PTPRD: variants seen among roughly 807,000 people sequenced by gnomAD.
PTPRD encodes receptor-type tyrosine-protein phosphatase delta.
In PTPRD, 34 loss-of-function variants were observed where a neutral mutation model predicts 214.5. The observed-to-expected ratio is 0.16, with a 90% CI of 0.12 to 0.21. PTPRD has a LOEUF of 0.21. Ranked by LOEUF, PTPRD falls within the 10% of genes least tolerant of loss-of-function variation. PTPRD has a pLI of 1.00. For missense variants in PTPRD, 2,545 were observed against 2,398.7 expected (o/e 1.06, Z -1.27); for synonymous variants, 1,128 against 845.7 (o/e 1.33, Z -5.79).
In PTPRD at chr9:8,452,135, C is replaced by T. The variant is rs1291488285; in HGVS notation, c.3876-2298G>A. 3.3e-5 allele frequency among the ~76,000 whole-genome samples: 5 copies of T among 152,220 alleles called. No homozygotes were observed. In the East Asian group the frequency reaches 9.6e-4, roughly 29 times the overall value. ...GGAGGGATGTAGTGACATTTAATAA[C>T]TAACTTCTCTTTCACTGTTTATTCA... On this transcript the variant is annotated intron_variant, in intron 33 of 45. Transcript: ENST00000381196.
chr9:8,600,954 G>T (rs1033985640), intron 14 of PTPRD, among the ~76,000 whole-genome samples: 4 of 152,032 alleles, frequency 2.6e-5, no homozygotes, highest in African/African-American at 9.7e-5. Flanking sequence ...AAAGCACCAG[G>T]CAGGCTCTCC....
chr9:9,164,977 A>G (rs905371788), intron 10 of PTPRD, among the ~76,000 whole-genome samples: 5 of 151,772 alleles, frequency 3.3e-5, no homozygotes, highest in Non-Finnish European at 7.4e-5. Context: ...CGCTTAACCC[A>G]AGAGGCAGAG....
intron 4 of PTPRD, among the ~76,000 whole-genome samples, chr9:9,965,342 T>G (rs1206924782): frequency 6.6e-6 from 1 of 152,068 alleles, no homozygotes; most frequent in Non-Finnish European, 1.5e-5. Context: ...TGGGTGTTAA[T>G]GAGAGGAGAA....
At position 9,295,521 on chromosome 9, in the gene PTPRD, A is replaced by G. The variant is rs568030643; in HGVS notation, c.-203+101928T>C. Among the ~76,000 whole-genome samples, 33 of 151,794 alleles carry G rather than the reference A, an allele frequency of 2.2e-4. 1 individual carries two copies. Among genetic ancestry groups the G allele is most frequent in the Admixed American group, 2.0e-3 (30 of 15,180 alleles). ...AAAGTACATGAACAACCAAATAACT[A>G]CTTGAAACATACTTTATTGCAAGGG... On this transcript the variant is annotated intron_variant, in intron 9 of 45. Transcript: ENST00000381196.
chr9:9,669,601 T>C (rs2096788079), intron 7 of PTPRD, among the ~76,000 whole-genome samples: 1 of 152,182 alleles, frequency 6.6e-6, no homozygotes, highest in Non-Finnish European at 1.5e-5. Context: ...ATATCAGATT[T>C]ATTGTACTAT....
intron 10 of PTPRD, among the ~76,000 whole-genome samples, chr9:9,073,397 A>G (rs1176031252): frequency 1.3e-5 from 2 of 152,166 alleles, no homozygotes. Context: ...GAATAATTTT[A>G]TGTGTCAATA....
chr9:8,444,010 G>C lies in PTPRD; in HGVS notation c.3988+5715C>G, dbSNP rs564879297. On this transcript the variant is annotated intron_variant, in intron 34 of 45. Transcript: ENST00000381196. ...CAGAGGGTGTCAAACCTTCAGTAAA[G>C]GATTTTTACAGTATTTTGAAAAGTC... Among the ~76,000 whole-genome samples, 6 of 152,216 alleles carry C rather than the reference G, an allele frequency of 3.9e-5. No homozygotes were observed. The East Asian group carries it at 5.8e-4, about 15-fold the overall frequency.
chr9:8,914,685 T>C (rs1179301215), intron 11 of PTPRD, among the ~76,000 whole-genome samples: 1 of 152,144 alleles, frequency 6.6e-6, no homozygotes, highest in Non-Finnish European at 1.5e-5. Flanking sequence ...CCACATAGAA[T>C]ATAATGCTTA....
intron 7 of PTPRD, among the ~76,000 whole-genome samples, chr9:9,607,758 A>G (rs1170419674): frequency 6.6e-6 from 1 of 152,038 alleles, no homozygotes; most frequent in Non-Finnish European, 1.5e-5. Context: ...AAAAAAAAAA[A>G]AAAATTCATT....
At chr9:9,411,371 G>T (rs547724331) in intron 8 of PTPRD, among the ~76,000 whole-genome samples, 2 of 150,550 alleles carry the variant, frequency 1.3e-5, no homozygotes, top group East Asian at 3.9e-4. Context: ...TCCTAAGCTA[G>T]CAAACTATGT....
intron 27 of PTPRD, among the ~76,000 whole-genome samples, chr9:8,490,146 G>A (rs1312446204): frequency 1.3e-5 from 2 of 152,162 alleles, no homozygotes; most frequent in Non-Finnish European, 2.9e-5. Flanking sequence ...TAATTACTCA[G>A]GGGAGTTGGA....
chr9:8,387,709 T>G (rs1273688971), intron 37 of PTPRD, among the ~76,000 whole-genome samples: 1 of 152,190 alleles, frequency 6.6e-6, no homozygotes, highest in East Asian at 1.9e-4. Flanking sequence ...TGAATGACCT[T>G]GGGCAAAGCT....
chr9:8,710,761 A>G (rs2098315745), intron 12 of PTPRD, among the ~76,000 whole-genome samples: 1 of 152,234 alleles, frequency 6.6e-6, no homozygotes, highest in Non-Finnish European at 1.5e-5. Flanking sequence ...TAATCTAAAT[A>G]CTTTAGATAA....
intron 8 of PTPRD, among the ~76,000 whole-genome samples, chr9:9,516,848 T>C (rs995085002): frequency 6.6e-6 from 1 of 152,116 alleles, no homozygotes; most frequent in South Asian, 2.1e-4. Flanking sequence ...TTTAGGCTTC[T>C]GGAAGTTAAA....
intron 10 of PTPRD, among the ~76,000 whole-genome samples, chr9:9,058,442 G>GTTTTTTTTTTTTTT (rs777910266): frequency 0.013 from 922 of 69,878 alleles, 290 homozygotes; most frequent in East Asian, 0.019. Context: ...TATTATGAGG[G>GTTTTTTTTTTTTTT]TTTTTTTTTT....
chr9:10,437,461 G>T (rs2098727472), intron 2 of PTPRD, among the ~76,000 whole-genome samples: 1 of 151,704 alleles, frequency 6.6e-6, no homozygotes, highest in Non-Finnish European at 1.5e-5. Flanking sequence ...CACAAAATTA[G>T]CACAGAACAT....
intron 2 of PTPRD, among the ~76,000 whole-genome samples, chr9:10,609,313 G>T (rs1477580015): frequency 6.6e-6 from 1 of 151,894 alleles, no homozygotes; most frequent in Non-Finnish European, 1.5e-5. Context: ...ACATTAAGTA[G>T]GTAAGTTTCA....
chr9:10,156,078 T>TGTG (rs1005165885), intron 3 of PTPRD, among the ~76,000 whole-genome samples: 1 of 132,548 alleles, frequency 7.5e-6, no homozygotes, highest in Non-Finnish European at 1.6e-5. Flanking sequence ...TTTTGAATGT[T>TGTG]TGTGTGTGTG....
In PTPRD at chr9:9,285,056, C is replaced by T. The variant is rs555120678; in HGVS notation, c.-202-101693G>A. Among the ~76,000 whole-genome samples the T allele has an allele frequency of 1.6e-4, 25 of 151,840 alleles. No homozygotes were observed. The East Asian group carries it at 4.7e-3, about 29-fold the overall frequency. On this transcript the variant is annotated intron_variant, in intron 9 of 45. Transcript: ENST00000381196. ...CATGAATAGGCCTAAAAATAACATT[C>T]CATTTCATTTCCCACCACCTAGTAT...
Sources: gnomAD v4.1 joint callset for allele counts (sites outside exome capture counted in the v4.1 genomes callset) on GRCh38, gnomAD v4.1.1 for gene constraint, MANE v1.5 for transcripts, NCBI Gene and HGNC (gene_info 2026-07-23, HGNC 2026-07-21) for gene names.